The following CLSTN2 variants were observed in gnomAD, a reference collection of about 807,000 sequenced individuals.
CLSTN2 encodes calsyntenin 2.
A neutral mutation model predicts 101.2 loss-of-function variants in CLSTN2; 48 were observed. The observed-to-expected ratio is 0.47, with a 90% confidence interval of 0.38 to 0.60. CLSTN2 has a LOEUF of 0.60. Among genes scored for constraint, CLSTN2 ranks in the 20% least tolerant of loss-of-function variants. The pLI is 0.00. For missense variants in CLSTN2, 1,160 were observed against 1,238.2 expected (o/e 0.94, Z 0.95); for synonymous variants, 481 against 463.6 (o/e 1.04, Z -0.48).
rs1260944348 is a variant in CLSTN2 at position 140,537,785 on chromosome 3, T to TAAAC, written c.1507+5302_1507+5305dup. Among the ~76,000 whole-genome samples the TAAAC allele has an allele frequency of 8.5e-5, 13 of 152,340 alleles. No individual in the cohort carries two copies. The South Asian group carries it at 2.7e-3, about 32-fold the overall frequency. ...AGAACAAAAATTCAAGTTCTACTCA[T>TAAAC]AAACAATAAAAATTGTATACTCACA... On this transcript the variant is annotated intron_variant, in intron 9 of 16. Transcript: ENST00000458420.
Position 139,955,745 on chromosome 3 carries a change from C to A in CLSTN2, c.109+20262C>A, listed in dbSNP as rs182634332. Among the ~76,000 whole-genome samples, 23 of 152,292 alleles carry A rather than the reference C, an allele frequency of 1.5e-4. No homozygotes were observed. The East Asian group carries it at 4.1e-3, about 27-fold the overall frequency. On this transcript the variant is annotated intron_variant, in intron 1 of 16. Coordinates refer to ENST00000458420, the MANE Select transcript of CLSTN2 (RefSeq NM_022131.3). ...CATTTTCTCCTGGATTCCTTTTGTT[C>A]CTGACCTTGACATTAGCTACAGTGG...
chr3:140,517,021 T>TA (rs1435282023), intron 8 of CLSTN2, among the ~76,000 whole-genome samples: 1 of 152,174 alleles, frequency 6.6e-6, no homozygotes, highest in East Asian at 1.9e-4. Flanking sequence ...GCTCATTTTT[T>TA]AAAAAATTCT....
At chr3:140,334,569 C>T (rs781011322) in intron 2 of CLSTN2, among the ~76,000 whole-genome samples, 2 of 152,232 alleles carry the variant, frequency 1.3e-5, no homozygotes, top group South Asian at 2.1e-4. Context: ...CTTACAGCAC[C>T]TTATGAGGAG....
chr3:140,182,630 C>G (rs562895609), intron 2 of CLSTN2, among the ~76,000 whole-genome samples: 1 of 152,312 alleles, frequency 6.6e-6, no homozygotes, highest in Admixed American at 6.5e-5. Context: ...ACTCTGCTTC[C>G]CACCCAGTCA....
At chr3:140,256,568 C>T (rs551025449) in intron 2 of CLSTN2, among the ~76,000 whole-genome samples, 3 of 152,298 alleles carry the variant, frequency 2.0e-5, no homozygotes, top group African/African-American at 4.8e-5. Flanking sequence ...ACCTTGGCAA[C>T]CTTCAGAATT....
chr3:140,357,502 G>T (rs986460270), intron 2 of CLSTN2, among the ~76,000 whole-genome samples: 1 of 151,988 alleles, frequency 6.6e-6, no homozygotes, highest in Non-Finnish European at 1.5e-5. Context: ...CAGATGTGGG[G>T]TGGGGACAGA....
intron 2 of CLSTN2, among the ~76,000 whole-genome samples, chr3:140,236,466 T>A (rs1254654897): frequency 6.6e-6 from 1 of 152,220 alleles, no homozygotes; most frequent in African/African-American, 2.4e-5. Context: ...TGTGTTTTTG[T>A]CATTTCTTCC....
chr3:140,453,960 C>T (rs1220431278), intron 6 of CLSTN2, among the ~76,000 whole-genome samples: 1 of 152,192 alleles, frequency 6.6e-6, no homozygotes, highest in African/African-American at 2.4e-5. Context: ...TGATGGGTTT[C>T]TTTAAGACAC....
chr3:140,132,334 G>A (rs947613313), intron 1 of CLSTN2, among the ~76,000 whole-genome samples: 12 of 152,172 alleles, frequency 7.9e-5, no homozygotes, highest in African/African-American at 2.6e-4. Context: ...ATTTTTTCAA[G>A]CTAATGCAAG....
chr3:140,513,896 G>A (rs762216584), intron 8 of CLSTN2, among the ~76,000 whole-genome samples: 2 of 151,556 alleles, frequency 1.3e-5, no homozygotes, highest in Non-Finnish European at 3.0e-5. Flanking sequence ...GAAATTTATA[G>A]TATTCTCTGA....
At chr3:140,149,118 C>A (rs1423338019) in intron 1 of CLSTN2, among the ~76,000 whole-genome samples, 1 of 152,160 alleles carries the variant, frequency 6.6e-6, no homozygotes, top group Non-Finnish European at 1.5e-5. Flanking sequence ...GAACTTCACC[C>A]CCTTAGAAAT....
chr3:140,252,537 A>G (rs1290068477), intron 2 of CLSTN2, among the ~76,000 whole-genome samples: 4 of 152,220 alleles, frequency 2.6e-5, no homozygotes, highest in Admixed American at 2.6e-4. Flanking sequence ...CCAGAAAGGT[A>G]AAGTGAAAGA....
At chr3:140,544,977 G>A (rs1223607103) in intron 9 of CLSTN2, among the ~76,000 whole-genome samples, 1 of 152,136 alleles carries the variant, frequency 6.6e-6, no homozygotes, top group Non-Finnish European at 1.5e-5. Flanking sequence ...ATTCAAACAG[G>A]AGAAAGAAAA....
At chr3:140,318,119 C>T (rs1223036128) in intron 2 of CLSTN2, among the ~76,000 whole-genome samples, 8 of 152,288 alleles carry the variant, frequency 5.3e-5, no homozygotes, top group Non-Finnish European at 8.8e-5. Context: ...GATGGAGCCA[C>T]GGTGCCTGGC....
At chr3:140,295,594 C>T (rs1339491398) in intron 2 of CLSTN2, among the ~76,000 whole-genome samples, 1 of 151,996 alleles carries the variant, frequency 6.6e-6, no homozygotes, top group Non-Finnish European at 1.5e-5. Flanking sequence ...CACAACTGCC[C>T]CAAGTTTTTT....
intron 1 of CLSTN2, among the ~76,000 whole-genome samples, chr3:140,164,809 C>A (rs2010107968): frequency 6.6e-6 from 1 of 152,112 alleles, no homozygotes; most frequent in African/African-American, 2.4e-5. Flanking sequence ...TAGGTAAGTT[C>A]TTTGGGATTG....
Position 140,568,642 on chromosome 3 carries a change from T to C in CLSTN2, c.*2389T>C, listed in dbSNP as rs1053192508. 1 of 152,236 alleles carries C rather than the reference T, an allele frequency of 6.6e-6. No homozygotes were observed. The highest frequency in any genetic ancestry group is 1.9e-4 in the East Asian group (1 of 5,204). The allele number at this position is 152,236 out of a possible 1,614,324, so 9.4% of individuals were successfully genotyped here. A position where few individuals can be genotyped will look rare whatever the true frequency, so the allele number is the denominator to read the frequency against. ...GCAGCAAAAAGAACACTTCATATGC[T>C]TAAAACCCATTCTTTTTGAATTAGA... On this transcript the variant is annotated 3_prime_UTR_variant, in exon 17 of 17. Coordinates refer to ENST00000458420, the MANE Select transcript of CLSTN2 (RefSeq NM_022131.3).
intron 2 of CLSTN2, among the ~76,000 whole-genome samples, chr3:140,288,449 A>G (rs1283848967): frequency 6.6e-6 from 1 of 152,106 alleles, no homozygotes; most frequent in African/African-American, 2.4e-5. Context: ...TATTGCAATC[A>G]CTAAACACCA....
chr3:140,334,834 C>CA (rs2107931844), intron 2 of CLSTN2, among the ~76,000 whole-genome samples: 1 of 152,322 alleles, frequency 6.6e-6, no homozygotes, highest in East Asian at 1.9e-4. Context: ...AATGGGCAAT[C>CA]AGGCTTGAAG....
Sources: gnomAD v4.1 joint callset for allele counts (sites outside exome capture counted in the v4.1 genomes callset) on GRCh38, gnomAD v4.1.1 for gene constraint, MANE v1.5 for transcripts, NCBI Gene and HGNC (gene_info 2026-07-23, HGNC 2026-07-21) for gene names.